Variants in ZSCAN20 observed in about 807,000 individuals in gnomAD.
ZSCAN20 encodes zinc finger and SCAN domain containing 20.
ZSCAN20 carries 39 observed loss-of-function variants against 97.1 expected under a neutral mutation model. The observed-to-expected ratio is 0.40, with a 90% CI of 0.31 to 0.52. The LOEUF (loss-of-function observed/expected upper bound fraction) is 0.52. ZSCAN20 is among the 20% of genes least tolerant of loss of function. ZSCAN20 has a pLI of 0.49. For synonymous variants in ZSCAN20, 456 were observed against 467.3 expected, an observed-to-expected ratio of 0.98 and a Z score of 0.31; for missense variants, 1,115 against 1,290.4, an observed-to-expected ratio of 0.86 and a Z score of 2.08.
Position 33,501,537 on chromosome 1 carries a change from T to TTTTA in ZSCAN20, c.*6064_*6065insATTT, listed in dbSNP as rs1553124200. ...GCTTTCACTTCCCCATTTTCTGTTATTTTTTTTTTTTTTGTGCTGTTATGT... is the reference window on the plus strand; with the variant it reads ...GCTTTCACTTCCCCATTTTCTGTTATTTTATTTTTTTTTTTTTGTGCTGTTATGT... On this transcript the variant is annotated 3_prime_UTR_variant, in exon 8 of 8. Coordinates refer to ENST00000684572, the MANE Select transcript of ZSCAN20 (RefSeq NM_001377376.1). Among the ~76,000 whole-genome samples, 2 of 26,402 alleles carry TTTTA rather than the reference T, an allele frequency of 7.6e-5. No individual in the cohort carries two copies. Among genetic ancestry groups the TTTTA allele is most frequent in the Non-Finnish European group, 1.7e-4 (2 of 11,548 alleles). 17.3% of individuals were successfully genotyped at this position (26,402 alleles called of 152,430 possible). A position where few individuals can be genotyped will look rare whatever the true frequency, so the allele number is the denominator to read the frequency against.
At chr1:33,484,617 A>G (rs1010418082) in intron 2 of ZSCAN20, among the ~76,000 whole-genome samples, 1 of 130,638 alleles carries the variant, frequency 7.7e-6, no homozygotes, top group Non-Finnish European at 1.6e-5. Context: ...AGGATTTTGC[A>G]TCTTTTTTTT....
intron 1 of ZSCAN20, among the ~76,000 whole-genome samples, chr1:33,478,211 G>C (rs1263798465): frequency 6.6e-6 from 1 of 152,200 alleles, no homozygotes; most frequent in Admixed American, 6.5e-5. Context: ...GCAAACAATA[G>C]AGCAGAGGTT....
chr1:33,494,713 G>A lies in ZSCAN20; in HGVS notation c.2369G>A (p.Gly790Glu), dbSNP rs1384601201. The change falls in exon 8 of 8, where the codon GGG (glycine) becomes GAG (glutamate). Residue 790 changes from glycine (G) to glutamate (E), a missense_variant. Transcript: ENST00000684572. The stretch of plus-strand genomic sequence containing the variant: ...ATCACTCACCAGAGAATTCACACGG[G>A]GGAAAAGCCCTATAAATGTGGAGAA... ...NLITHQRIHT[G>E]EKPYKCGECW... The A allele has an allele frequency of 9.3e-6, 15 of 1,613,962 alleles. No homozygotes were observed. Among genetic ancestry groups the A allele is most frequent in the African/African-American group, 2.7e-5 (2 of 74,870 alleles).
chr1:33,483,236 G>A (rs1427726670), intron 2 of ZSCAN20, among the ~76,000 whole-genome samples: 1 of 138,480 alleles, frequency 7.2e-6, no homozygotes, highest in African/African-American at 2.8e-5. Context: ...TGATTTTTGT[G>A]AAGGATAGGA....
rs781246497 is a variant in ZSCAN20 at position 33,479,710 on chromosome 1, GACAA to G, written c.417+9_417+12del. ...ACCAGGACTGCAGGACAGTCGGTGA[GACAA>G]ACAGTCTTCTCCTGCAGAGGAGTGG... On this transcript the variant is annotated splice_donor_region_variant and intron_variant, in intron 2 of 7. Coordinates refer to ENST00000684572, the MANE Select transcript of ZSCAN20 (RefSeq NM_001377376.1). 75 of 1,513,348 alleles carry G rather than the reference GACAA, an allele frequency of 5.0e-5. No homozygotes were observed. The Admixed American group carries it at 1.6e-3, about 31-fold the overall frequency. The allele number at this position is 1,513,348 out of a possible 1,614,324, so 93.7% of individuals were successfully genotyped here.
rs190308705 is a variant in ZSCAN20 at position 33,497,276 on chromosome 1, T to C, written c.*1800T>C. On this transcript the variant is annotated 3_prime_UTR_variant, in exon 8 of 8. Coordinates refer to ENST00000684572, the MANE Select transcript of ZSCAN20 (RefSeq NM_001377376.1). ...GTCAACTCCCTCCCAGTTTACCTTT[T>C]CTGGCCCACGTTATCTCTGCGGGGC... Among the ~76,000 whole-genome samples, 2 of 152,340 alleles carry C rather than the reference T, an allele frequency of 1.3e-5. No individual in the cohort carries two copies. Among genetic ancestry groups the C allele is most frequent in the East Asian group, 3.9e-4 (2 of 5,186 alleles).
chr1:33,481,531 A>G (rs555072817), intron 2 of ZSCAN20, among the ~76,000 whole-genome samples: 100 of 152,298 alleles, frequency 6.6e-4, no homozygotes, highest in African/African-American at 2.4e-3. Context: ...AGTGGTCACA[A>G]ATTTCAAAAC....
intron 2 of ZSCAN20, among the ~76,000 whole-genome samples, chr1:33,486,357 GT>G (rs1652366010): frequency 6.6e-6 from 1 of 152,166 alleles, no homozygotes; most frequent in African/African-American, 2.4e-5. Context: ...CCTGGAACTG[GT>G]TCCCACAGAG....
In ZSCAN20 at chr1:33,489,180, G is replaced by C. The variant is rs756334630; in HGVS notation, c.670G>C (p.Ala224Pro). 12 of 1,613,608 alleles carry C rather than the reference G, an allele frequency of 7.4e-6. No individual in the cohort carries two copies. In the South Asian group the frequency reaches 1.3e-4, roughly 18 times the overall value. ...MGSVGDWEVT[A>P]ESQEALGPGK... is the part of the protein sequence containing the mutation. ...GAGCGTTGGAGATTGGGAGGTGACA[G>C]CTGAGTCCCAGGTAAGCTGTTACTC... Residue 224 changes from alanine (A) to proline (P), a missense_variant, in exon 4 of 8, where the codon GCT becomes CCT. By Grantham distance (27) the Ala-to-Pro change is conservative. Coordinates refer to ENST00000684572, the MANE Select transcript of ZSCAN20 (RefSeq NM_001377376.1).
rs758447542 is a variant in ZSCAN20 at position 33,499,135 on chromosome 1, TC to T, written c.*3660del. Among the ~76,000 whole-genome samples, 1 of 152,166 alleles carries T rather than the reference TC, an allele frequency of 6.6e-6. No homozygotes were observed. Among genetic ancestry groups the T allele is most frequent in the Non-Finnish European group, 1.5e-5 (1 of 68,026 alleles). ...CCCCAGTGGGGATAGCTCTCTGCTT[TC>T]GGGCTGCAGAAAAGAATTGAGTCAC... is the stretch of plus-strand genomic sequence containing the variant. On this transcript the variant is annotated 3_prime_UTR_variant, in exon 8 of 8. Transcript: ENST00000684572.
chr1:33,492,901 G>GATATAA (rs1652682969), intron 6 of ZSCAN20, among the ~76,000 whole-genome samples: 1 of 151,948 alleles, frequency 6.6e-6, no homozygotes, highest in Non-Finnish European at 1.5e-5. Context: ...CTAAAGCCAG[G>GATATAA]CACATGGGAT....
At chr1:33,481,129 T>C (rs1360817879) in intron 2 of ZSCAN20, among the ~76,000 whole-genome samples, 1 of 152,202 alleles carries the variant, frequency 6.6e-6, no homozygotes, top group African/African-American at 2.4e-5. Flanking sequence ...GGGAGACTAA[T>C]ATATAAAGTT....
chr1:33,474,027 C>G (rs1651830417), intron 1 of ZSCAN20, among the ~76,000 whole-genome samples: 1 of 152,234 alleles, frequency 6.6e-6, no homozygotes, highest in Admixed American at 6.5e-5. Flanking sequence ...CCTGGCAAGG[C>G]TATCTGCTGG....
In ZSCAN20 at chr1:33,479,197, C is replaced by T; in HGVS notation, c.-92C>T. The T allele has an allele frequency of 1.4e-6, 2 of 1,409,904 alleles. No homozygotes were observed. Among genetic ancestry groups the T allele is most frequent in the Non-Finnish European group, 1.9e-6 (2 of 1,038,676 alleles). 87.3% of individuals were successfully genotyped at this position (1,409,904 alleles called of 1,614,324 possible). ...GCCTTAGAGCCTTGGGGAGCAGTCC[C>T]TTTTCTAGGAGCCTCTTGAAGGACT... On this transcript the variant is annotated 5_prime_UTR_variant, in exon 2 of 8. Coordinates refer to ENST00000684572, the MANE Select transcript of ZSCAN20 (RefSeq NM_001377376.1).
Position 33,479,264 on chromosome 1 carries a change from T to C in ZSCAN20, c.-25T>C, listed in dbSNP as rs1557435292. On this transcript the variant is annotated 5_prime_UTR_variant, in exon 2 of 8. Transcript: ENST00000684572. ...AGACATTGGATGAGGTCAGCATAGC[T>C]GAAGTGAGGTGTCTGGGTTAGACAA... 6.4e-7 allele frequency: 1 copy of C among 1,570,634 alleles called. No individual in the cohort carries two copies. The highest frequency in any genetic ancestry group is 1.8e-5 in the Admixed American group (1 of 56,132).
In ZSCAN20 at chr1:33,493,469, G is replaced by A; in HGVS notation, c.1727G>A (p.Arg576Lys). The A allele has an allele frequency of 1.2e-6, 2 of 1,614,194 alleles. No individual in the cohort carries two copies. The highest frequency in any genetic ancestry group is 1.7e-6 in the Non-Finnish European group (2 of 1,180,034). ...CTGATGAGGGCTCGGGCTGCAGTCA[G>A]GGCCATGGGGACTGTCCGAGAGGCT... ...DSLMRARAAV[R>K]AMGTVREAAG... Residue 576 changes from arginine (R) to lysine (K), a missense_variant, in exon 7 of 8, where the codon AGG becomes AAG. By Grantham distance (26) the Arg-to-Lys change is conservative. Coordinates refer to ENST00000684572, the MANE Select transcript of ZSCAN20 (RefSeq NM_001377376.1). This position sits in a 1 kb window ranked among gnomAD's most constrained non-coding sequence, Gnocchi z 4.3.
intron 2 of ZSCAN20, among the ~76,000 whole-genome samples, chr1:33,480,000 A>G (rs71647933): frequency 0.14 from 21,821 of 152,206 alleles, 2,083 homozygotes; most frequent in East Asian, 0.39. Flanking sequence ...GCTAGATGGT[A>G]GAGTCAGGAT....
chr1:33,476,790 A>G (rs138791238), intron 1 of ZSCAN20, among the ~76,000 whole-genome samples: 5 of 152,246 alleles, frequency 3.3e-5, no homozygotes, highest in African/African-American at 1.2e-4. Context: ...ATCTTTCTAC[A>G]TATGTGATCT....
At chr1:33,483,701 G>A (rs1039160724) in intron 2 of ZSCAN20, among the ~76,000 whole-genome samples, 1 of 149,908 alleles carries the variant, frequency 6.7e-6, no homozygotes. Flanking sequence ...AAAAACAAAC[G>A]AACAAAAAAA....
Sources: allele counts gnomAD v4.1 joint callset (sites outside exome capture counted in the v4.1 genomes callset), GRCh38; gene constraint gnomAD v4.1.1; non-coding constraint Gnocchi (gnomAD v3.1); transcripts MANE v1.5; gene names NCBI Gene and HGNC (gene_info 2026-07-23, HGNC 2026-07-21).